The following GLIPR2 variants were observed in gnomAD, a reference collection of about 807,000 sequenced individuals.
GLIPR2 encodes the protein Golgi-associated plant pathogenesis-related protein 1.
Under a neutral mutation model 20.4 loss-of-function variants are expected in GLIPR2, and 21 were observed. The ratio of observed to expected loss-of-function variants is 1.03; its 90% CI spans 0.73 to 1.48. The LOEUF (loss-of-function observed/expected upper bound fraction) is 1.48. Among genes scored for constraint, GLIPR2 ranks in the 40% most tolerant of loss-of-function variants. GLIPR2 has a pLI of 0.00. For missense variants in GLIPR2, 205 were observed against 200.1 expected, an observed-to-expected ratio of 1.02 and a Z score of -0.15; for synonymous variants, 91 against 80.5, an observed-to-expected ratio of 1.13 and a Z score of -0.70.
At chr9:36,150,296 C>T (rs936038153) in intron 3 of GLIPR2, among the ~76,000 whole-genome samples, 1 of 152,168 alleles carries the variant, frequency 6.6e-6, no homozygotes, top group Admixed American at 6.5e-5. Context: ...GGTCCCCGCT[C>T]CTGGCTCTGG....
intron 1 of GLIPR2, among the ~76,000 whole-genome samples, chr9:36,143,711 C>G (rs992530479): frequency 2.0e-5 from 3 of 152,212 alleles, no homozygotes; most frequent in Admixed American, 6.5e-5. Context: ...TTGGAAGGGA[C>G]TTGAAGGTCC....
intron 1 of GLIPR2, chr9:36,146,046 C>T (rs1481023007): frequency 1.3e-5 from 2 of 152,304 alleles, no homozygotes; most frequent in African/African-American, 4.8e-5. Context: ...ACACTCTTCT[C>T]CTATTCTGCA....
Position 36,162,403 on chromosome 9 carries a change from G to A in GLIPR2, c.346G>A (p.Gly116Ser), listed in dbSNP as rs1826094625. ...GGTATGGAAGAACACCAAGAAGATGGGCGTGGGGAAGGCGTCCGCAAGTGA... is the reference window on the plus strand; with the variant it reads ...GGTATGGAAGAACACCAAGAAGATGAGCGTGGGGAAGGCGTCCGCAAGTGA... Reference protein sequence around the residue: ...AMVWKNTKKMGVGKASASDGS... With the variant: ...AMVWKNTKKMSVGKASASDGS... The change falls in exon 5 of 5, where the codon GGC (glycine) becomes AGC (serine). Residue 116 changes from glycine to serine, a missense_variant. By Grantham distance (56) the Gly-to-Ser change is moderately conservative. Transcript: ENST00000377960. The A allele has an allele frequency of 6.2e-7, 1 of 1,613,968 alleles. No individual in the cohort carries two copies. The highest frequency in any genetic ancestry group is 1.1e-5 in the South Asian group (1 of 91,082).
intron 1 of GLIPR2, among the ~76,000 whole-genome samples, chr9:36,139,090 G>A: frequency 6.6e-6 from 1 of 152,154 alleles, no homozygotes; most frequent in Non-Finnish European, 1.5e-5. Flanking sequence ...AGGAGGATGG[G>A]ATGGATTTGT....
At chr9:36,150,022 C>G (rs1467991624) in intron 3 of GLIPR2, among the ~76,000 whole-genome samples, 1 of 152,180 alleles carries the variant, frequency 6.6e-6, no homozygotes, top group Non-Finnish European at 1.5e-5. Flanking sequence ...GAGCGAAACT[C>G]CGTCTCAGAA....
chr9:36,148,221 C>T (rs965625216), intron 2 of GLIPR2, among the ~76,000 whole-genome samples: 1 of 150,958 alleles, frequency 6.6e-6, no homozygotes, highest in Non-Finnish European at 1.5e-5. Context: ...GCACTCCAGC[C>T]TGGGTGACAG....
chr9:36,138,843 G>A (rs1285820390), intron 1 of GLIPR2, among the ~76,000 whole-genome samples: 3 of 152,286 alleles, frequency 2.0e-5, no homozygotes, highest in Admixed American at 1.3e-4. Flanking sequence ...CGTGGGAGCC[G>A]ACGAGGGTTC....
At chr9:36,141,949 G>T in intron 1 of GLIPR2, 1 of 448,310 alleles carries the variant, frequency 2.2e-6, no homozygotes, top group South Asian at 1.6e-5. Context: ...CCCCAGCAGA[G>T]ACAGCCCAGC....
chr9:36,141,407 C>G (rs1825071794), intron 1 of GLIPR2, among the ~76,000 whole-genome samples: 1 of 151,716 alleles, frequency 6.6e-6, no homozygotes, highest in Non-Finnish European at 1.5e-5. Context: ...ACAAGCAAAA[C>G]CAGCTTTGCC....
At chr9:36,146,397 C>T (rs1425758913) in intron 1 of GLIPR2, among the ~76,000 whole-genome samples, 1 of 152,250 alleles carries the variant, frequency 6.6e-6, no homozygotes, top group East Asian at 1.9e-4. Context: ...CTGCCCCTGG[C>T]TCCCCAAAAC....
chr9:36,137,439 G>T (rs1030315922), intron 1 of GLIPR2, among the ~76,000 whole-genome samples: 1 of 152,092 alleles, frequency 6.6e-6, no homozygotes, highest in Non-Finnish European at 1.5e-5. Flanking sequence ...CCTTACCTCC[G>T]CCCTACACTA....
chr9:36,152,951 G>GAAAAA (rs1563885535), intron 4 of GLIPR2, among the ~76,000 whole-genome samples: 2 of 32,068 alleles, frequency 6.2e-5, no homozygotes, highest in Non-Finnish European at 1.1e-4. Flanking sequence ...TACTGAAAGT[G>GAAAAA]CAAAAAAAAA....
intron 4 of GLIPR2, among the ~76,000 whole-genome samples, chr9:36,160,396 G>T (rs1296441336): frequency 1.3e-5 from 2 of 152,160 alleles, no homozygotes; most frequent in African/African-American, 4.8e-5. Context: ...AGGAAGCTGA[G>T]GTGGGAGGGT....
chr9:36,157,200 T>A (rs1377283942), intron 4 of GLIPR2, among the ~76,000 whole-genome samples: 1 of 144,630 alleles, frequency 6.9e-6, no homozygotes, highest in Non-Finnish European at 1.5e-5. Context: ...TTTTTTTTTT[T>A]TGTATTTTTA....
Position 36,162,778 on chromosome 9 carries a change from C to CT in GLIPR2, c.*256_*257insT. 1 of 539,000 alleles carries CT rather than the reference C, an allele frequency of 1.9e-6. No homozygotes were observed. Among genetic ancestry groups the CT allele is most frequent in the Non-Finnish European group, 3.3e-6 (1 of 301,520 alleles). 33.4% of individuals were successfully genotyped at this position (539,000 alleles called of 1,614,324 possible). The stretch of plus-strand genomic sequence containing the variant: ...ATTTGGATTGGGGGGAGGGGGGATC[C>CT]GTTTTTTTTTTTTAATTTTTTGTTA... On this transcript the variant is annotated 3_prime_UTR_variant, in exon 5 of 5. Transcript: ENST00000377960.
intron 4 of GLIPR2, among the ~76,000 whole-genome samples, chr9:36,152,952 CAAAAAAAAAAAAAAAAAA>C (rs67296666): frequency 7.1e-5 from 1 of 14,008 alleles, no homozygotes; most frequent in African/African-American, 3.1e-4. Flanking sequence ...ACTGAAAGTG[CAAAAAAAAAAAAAAAAAA>C]AAAAAAAAAA....
chr9:36,162,388 A>G lies in GLIPR2; in HGVS notation c.331A>G (p.Asn111Asp). The G allele has an allele frequency of 6.2e-7, 1 of 1,613,800 alleles. No homozygotes were observed. Among genetic ancestry groups the G allele is most frequent in the South Asian group, 1.1e-5 (1 of 91,072 alleles). Residue 111 changes from asparagine to aspartate, a missense_variant, in exon 5 of 5, where the codon AAC (asparagine) becomes GAC (aspartate). Physicochemically the swap from Asn to Asp is conservative, Grantham distance 23. Transcript: ENST00000377960. ...ACACTTCACGGCCATGGTATGGAAG[A>G]ACACCAAGAAGATGGGCGTGGGGAA... Reference protein sequence around the residue: ...TGHFTAMVWKNTKKMGVGKAS... With the variant: ...TGHFTAMVWKDTKKMGVGKAS...
upstream of GLIPR2, chr9:36,136,542 C>A: frequency 2.9e-6 from 1 of 349,094 alleles, no homozygotes; most frequent in Non-Finnish European, 5.1e-6. The surrounding 1 kb of genome is among the most constrained non-coding windows in gnomAD (Gnocchi z 4.3). Context: ...CCCGCGGCCG[C>A]ATCCGGGGAG....
In GLIPR2 at chr9:36,147,855, C is replaced by T. The variant is rs771790962; in HGVS notation, c.83C>T (p.Pro28Leu). ...NEYRQKHGVP[P>L]LKLCKNLNRE... ...TACCGGCAGAAGCACGGCGTCCCCC[C>T]ACTGAAGCTCTGCAAGAACCTCAAC... Residue 28 changes from proline to leucine, a missense_variant, in exon 2 of 5, where the codon CCA becomes CTA. Coordinates refer to ENST00000377960, the MANE Select transcript of GLIPR2 (RefSeq NM_022343.4). 6.3e-7 allele frequency: 1 copy of T among 1,593,162 alleles called. No individual in the cohort carries two copies. Among genetic ancestry groups the T allele is most frequent in the East Asian group, 2.2e-5 (1 of 44,768 alleles).
Sources: gnomAD v4.1 joint callset for allele counts (sites outside exome capture counted in the v4.1 genomes callset) on GRCh38, gnomAD v4.1.1 for gene constraint, Gnocchi (gnomAD v3.1) non-coding constraint, MANE v1.5 for transcripts, NCBI Gene and HGNC (gene_info 2026-07-23, HGNC 2026-07-21) for gene names.